Variants in ADGRA1 observed in about 807,000 individuals in gnomAD.
The protein encoded by ADGRA1 is G-protein coupled receptor 123.
A neutral mutation model predicts 21.3 loss-of-function variants in ADGRA1; 12 were observed. The ratio of observed to expected loss-of-function variants is 0.56; its 90% confidence interval spans 0.36 to 0.91. The LOEUF (loss-of-function observed/expected upper bound fraction) is 0.91, where lower values mean the gene tolerates loss of function less well. ADGRA1 is among the 40% of genes least tolerant of loss of function. The pLI is 0.01. For synonymous variants in ADGRA1, 385 were observed against 368.8 expected (o/e 1.04, Z -0.50); for missense variants, 790 against 805.6 (o/e 0.98, Z 0.23).
intron 3 of ADGRA1, among the ~76,000 whole-genome samples, chr10:133,097,623 G>A (rs746936204): frequency 3.9e-5 from 6 of 152,222 alleles, no homozygotes; most frequent in Non-Finnish European, 5.9e-5. Context: ...TCAGAGACTC[G>A]GGCACACACG....
chr10:133,093,011 C>T lies in ADGRA1; in HGVS notation c.4-3963C>T, dbSNP rs751186799. The T allele has an allele frequency of 3.8e-6, 6 of 1,592,458 alleles. No homozygotes were observed. The Admixed American group carries it at 5.1e-5, about 13-fold the overall frequency. On this transcript the variant is annotated intron_variant, in intron 2 of 6. Transcript: ENST00000392607. ...CCTCACCGTGCAGGAAAGAAGGTTC[C>T]TCAGCCAGTCGGAGCTGCAGACCTG...
At chr10:133,111,192 A>C (rs1259069537) in intron 5 of ADGRA1, among the ~76,000 whole-genome samples, 6 of 145,104 alleles carry the variant, frequency 4.1e-5, no homozygotes, top group African/African-American at 1.6e-4. Context: ...CCTCCCTCCT[A>C]ATCCCTCCAG....
chr10:133,111,576 A>T (rs374537070), intron 5 of ADGRA1, among the ~76,000 whole-genome samples: 66 of 3,078 alleles, frequency 0.021, no homozygotes, highest in Admixed American at 0.05. Flanking sequence ...TCCTAATCCC[A>T]CCAGACAACC....
intron 2 of ADGRA1, chr10:133,093,071 C>T: frequency 6.3e-7 from 1 of 1,597,122 alleles, no homozygotes; most frequent in Non-Finnish European, 8.5e-7. Context: ...AAAGAAGGTT[C>T]CTCAGCCAGT....
At chr10:133,096,951 C>G (rs375823578) in intron 2 of ADGRA1, 23 bp from the exon 3 acceptor site, 26 of 1,599,002 alleles carry the variant, frequency 1.6e-5, no homozygotes, top group Non-Finnish European at 2.2e-5. Flanking sequence ...CAGTCACACA[C>G]GTCTCCTTTG....
chr10:133,122,879 C>G (rs984294955), intron 5 of ADGRA1, among the ~76,000 whole-genome samples: 2 of 152,246 alleles, frequency 1.3e-5, no homozygotes, highest in Admixed American at 1.3e-4. Context: ...GCTGCACTGG[C>G]TTCGAGCTGT....
At chr10:133,121,986 CCT>C (rs1303747931) in intron 5 of ADGRA1, among the ~76,000 whole-genome samples, 1 of 150,284 alleles carries the variant, frequency 6.7e-6, no homozygotes, top group Non-Finnish European at 1.5e-5. Context: ...TATGTGTGTG[CCT>C]GTGTGTGTGA....
chr10:133,106,527 G>A (rs1851896196), intron 5 of ADGRA1, among the ~76,000 whole-genome samples: 1 of 152,044 alleles, frequency 6.6e-6, no homozygotes, highest in South Asian at 2.1e-4. Flanking sequence ...ATGCATCCCT[G>A]TGGGCGTCCC....
intron 5 of ADGRA1, among the ~76,000 whole-genome samples, chr10:133,112,790 GGGGTCTGCGGGCCGTGTTGGTTCGGTT>G: frequency 2.1e-5 from 3 of 141,970 alleles, no homozygotes; most frequent in African/African-American, 5.3e-5. Context: ...TCGGTTATTT[GGGGTCTGCGGGCCGTGTTGGTTCGGTT>G]ATTTGGGGTC....
At position 133,131,542 on chromosome 10, in the gene ADGRA1, C is replaced by T. The variant is rs186925542; in HGVS notation, c.*2031C>T. Reference sequence around the variant, plus strand: ...CTGTGTCCTGGATCCTGGGGCAGGGCTGCTCTCCCTGGCCCCTGCAGCCCC... The same window carrying T: ...CTGTGTCCTGGATCCTGGGGCAGGGTTGCTCTCCCTGGCCCCTGCAGCCCC... On this transcript the variant is annotated 3_prime_UTR_variant, in exon 7 of 7. Transcript: ENST00000392607. 6.6e-6 allele frequency: 1 copy of T among 152,574 alleles called. No homozygotes were observed. The highest frequency in any genetic ancestry group is 1.9e-4 in the East Asian group (1 of 5,180). 9.5% of individuals were successfully genotyped at this position (152,574 alleles called of 1,614,324 possible). A position where few individuals can be genotyped will look rare whatever the true frequency, so the allele number is the denominator to read the frequency against.
rs375159965 is a variant in ADGRA1, at chr10:133,117,764, G to A, written c.402-9469G>A. Among the ~76,000 whole-genome samples, 81 of 152,366 alleles carry A rather than the reference G, an allele frequency of 5.3e-4. No homozygotes were observed. The South Asian group carries it at 0.016, about 30-fold the overall frequency. On this transcript the variant is annotated intron_variant, in intron 5 of 6. Coordinates refer to ENST00000392607, the MANE Select transcript of ADGRA1 (RefSeq NM_001083909.3). ...AACAAGGGCAGCCGGCAGTGACTTA[G>A]AGACACGAGACTGGCTGCTAGGCAG... is the stretch of plus-strand genomic sequence containing the variant.
chr10:133,104,319 C>T (rs1851854269), intron 5 of ADGRA1, among the ~76,000 whole-genome samples: 1 of 152,180 alleles, frequency 6.6e-6, no homozygotes, highest in Non-Finnish European at 1.5e-5. Flanking sequence ...GCCCCAGGTC[C>T]CCTGGGTGTA....
intron 2 of ADGRA1, among the ~76,000 whole-genome samples, chr10:133,091,411 G>A (rs755697663): frequency 5.9e-5 from 9 of 152,318 alleles, no homozygotes; most frequent in East Asian, 3.9e-4. Flanking sequence ...TGAAGATGTC[G>A]TCTGGCCCTC....
chr10:133,113,671 G>C (rs985175551), intron 5 of ADGRA1, among the ~76,000 whole-genome samples: 2 of 151,632 alleles, frequency 1.3e-5, no homozygotes, highest in African/African-American at 4.8e-5. Context: ...CCTAAGGGCG[G>C]GCAGAGGTCA....
chr10:133,100,747 C>T (rs1851776998), intron 4 of ADGRA1, among the ~76,000 whole-genome samples: 1 of 152,264 alleles, frequency 6.6e-6, no homozygotes, highest in East Asian at 1.9e-4. Context: ...AGGTGCCAGG[C>T]CATGCTGTGG....
intron 5 of ADGRA1, among the ~76,000 whole-genome samples, chr10:133,122,661 G>T (rs1351506004): frequency 6.6e-6 from 1 of 152,220 alleles, no homozygotes; most frequent in African/African-American, 2.4e-5. Flanking sequence ...TGCTGTCTTG[G>T]CCGGACACAC....
chr10:133,088,059 G>A lies in ADGRA1; in HGVS notation c.-282G>A, dbSNP rs545444835. 25 of 985,224 alleles carry A rather than the reference G, an allele frequency of 2.5e-5. No individual in the cohort carries two copies. The highest frequency in any genetic ancestry group is 1.8e-4 in the Admixed American group (3 of 16,260). The allele number at this position is 985,224 out of a possible 1,614,324, so 61.0% of individuals were successfully genotyped here. A position where few individuals can be genotyped will look rare whatever the true frequency, so the allele number is the denominator to read the frequency against. On this transcript the variant is annotated 5_prime_UTR_variant, in exon 1 of 7. Transcript: ENST00000392607. ...CGCTGCCCTCGCGAATGGAGAGCGGGTCCCCGGCGGGGGGAGCGCAGCGCG... is the reference window on the plus strand; with the variant it reads ...CGCTGCCCTCGCGAATGGAGAGCGGATCCCCGGCGGGGGGAGCGCAGCGCG...
chr10:133,097,441 C>T (rs1233114361), intron 3 of ADGRA1, among the ~76,000 whole-genome samples: 1 of 152,254 alleles, frequency 6.6e-6, no homozygotes, highest in Non-Finnish European at 1.5e-5. Context: ...TTCCCCCGGG[C>T]AGTCACTATG....
At chr10:133,092,751 G>GAAGGA (rs1564842389) in intron 2 of ADGRA1, among the ~76,000 whole-genome samples, 1 of 77,588 alleles carries the variant, frequency 1.3e-5, no homozygotes, top group East Asian at 4.6e-4. Flanking sequence ...AATAGGGAGG[G>GAAGGA]AGGAAGGAAG....
Sources: gnomAD v4.1 joint callset for allele counts (sites outside exome capture counted in the v4.1 genomes callset) on GRCh38, gnomAD v4.1.1 for gene constraint, MANE v1.5 for transcripts, NCBI Gene and HGNC (gene_info 2026-07-23, HGNC 2026-07-21) for gene names.